The following NOC2L variants were observed in gnomAD, a reference collection of about 807,000 sequenced individuals.
NOC2L encodes the protein NOC2 like nucleolar associated transcriptional repressor.
Under a neutral mutation model 94.2 loss-of-function variants are expected in NOC2L, and 101 were observed. The observed-to-expected ratio is 1.07, with a 90% CI of 0.91 to 1.26. The LOEUF (loss-of-function observed/expected upper bound fraction) is 1.26. NOC2L is among the 50% of genes most tolerant of loss of function. The probability of loss-of-function intolerance (pLI) is 0.00; values close to 1 mark genes in which losing one functional copy is unlikely to be tolerated. For synonymous variants in NOC2L, 531 were observed against 413.4 expected, an observed-to-expected ratio of 1.28 and a Z score of -3.45; for missense variants, 1,076 against 980.1, an observed-to-expected ratio of 1.10 and a Z score of -1.31.
chr1:945,135 G>A lies in NOC2L; in HGVS notation c.2065C>T (p.Pro689Ser), dbSNP rs543983521. 40 of 1,608,148 alleles carry A rather than the reference G, an allele frequency of 2.5e-5. No individual in the cohort carries two copies. Among genetic ancestry groups the A allele is most frequent in the Admixed American group, 3.4e-5 (2 of 58,846 alleles). Residue 689 changes from proline to serine, a missense_variant, in exon 18 of 19, where the codon CCC becomes TCC. By Grantham distance (74) the Pro-to-Ser change is moderately conservative. Around this residue, in one of 3 missense-constraint regions of NOC2L, gnomAD observed 615 missense variants for 577.4 expected, o/e 1.07. Coordinates refer to ENST00000327044, the MANE Select transcript of NOC2L (RefSeq NM_015658.4). ...TCCACCCCATGCCGAGTGCTCAGGGGCCTCAGTATCCCTGAGGAACAAGAA... is the reference window on the plus strand; with the variant it reads ...TCCACCCCATGCCGAGTGCTCAGGGACCTCAGTATCCCTGAGGAACAAGAA... Reference protein sequence around the residue: ...EGFSERGILRPLSTRHGVEDD... With the variant: ...EGFSERGILRSLSTRHGVEDD...
intron 9 of NOC2L, among the ~76,000 whole-genome samples, chr1:952,863 CAGT>C (rs1211373539): frequency 6.6e-6 from 1 of 152,180 alleles, no homozygotes; most frequent in Non-Finnish European, 1.5e-5. Flanking sequence ...TGGGGACGGG[CAGT>C]AGGACTGTAC....
chr1:957,221 C>T lies in NOC2L; in HGVS notation c.232G>A (p.Asp78Asn). Residue 78 changes from aspartate to asparagine, a missense_variant, in exon 3 of 19, where the codon GAC becomes AAC. By Grantham distance (23) the Asp-to-Asn change is conservative. This residue lies in a region of NOC2L where 457 missense variants were observed against 386.0 expected (regional missense o/e 1.18). Coordinates refer to ENST00000327044, the MANE Select transcript of NOC2L (RefSeq NM_015658.4). ...AACTTGTAGAACTCGGGGTCTCTGT[C>T]CTTCAGCCGAGAGAGCTGGTCTTTG... ...EHKDQLSRLK[D>N]RDPEFYKFLQ... 8 of 1,613,664 alleles carry T rather than the reference C, an allele frequency of 5.0e-6. No individual in the cohort carries two copies. Among genetic ancestry groups the T allele is most frequent in the Non-Finnish European group, 6.8e-6 (8 of 1,179,954 alleles).
intron 2 of NOC2L, 157 bp from the exon 3 acceptor site, chr1:957,430 A>G (rs2100398217): frequency 3.1e-6 from 2 of 650,572 alleles, no homozygotes; most frequent in Non-Finnish European, 5.3e-6. Flanking sequence ...CTCCTACCCA[A>G]CAACCTCTAC....
intron 4 of NOC2L, among the ~76,000 whole-genome samples, chr1:956,646 A>G (rs1006105821): frequency 6.6e-6 from 1 of 152,154 alleles, no homozygotes; most frequent in African/African-American, 2.4e-5. Flanking sequence ...AAGTGAACAC[A>G]CAGTCCTGGG....
rs758208263 is a variant in NOC2L at position 954,054 on chromosome 1, A to C, written c.727T>G (p.Trp243Gly). The C allele has an allele frequency of 6.2e-7, 1 of 1,610,402 alleles. No homozygotes were observed. Among genetic ancestry groups the C allele is most frequent in the East Asian group, 2.2e-5 (1 of 44,784 alleles). Reference sequence around the variant, plus strand: ...TTGATGTCCACACGAAGCTTCCCCCAGAGCGGGCTGCTGGACGGCTGCAGC... The same window carrying C: ...TTGATGTCCACACGAAGCTTCCCCCCGAGCGGGCTGCTGGACGGCTGCAGC... ...RMLQPSSSPL[W>G]GKLRVDIKAY... The change falls in exon 7 of 19, where the codon TGG becomes GGG. Residue 243 changes from tryptophan to glycine, a missense_variant. Around this residue, in one of 3 missense-constraint regions of NOC2L, gnomAD observed 457 missense variants for 386.0 expected, o/e 1.18. Transcript: ENST00000327044.
At position 956,955 on chromosome 1, in the gene NOC2L, C is replaced by T. The variant is rs779619644; in HGVS notation, c.425G>A (p.Gly142Glu). ...GGTCACAGGAACAGAATTCTTCTTC[C>T]CCTTCAGCCCTCTGGGGACTCTGTC... is the stretch of plus-strand genomic sequence containing the variant. ...DGDRVPRGLK[G>E]KKNSVPVTVA... The change falls in exon 4 of 19, where the codon GGG becomes GAG. Residue 142 changes from glycine (G) to glutamate (E), a missense_variant. Physicochemically the swap from Gly to Glu is moderately conservative, Grantham distance 98. This residue lies in a region of NOC2L where 457 missense variants were observed against 386.0 expected (regional missense o/e 1.18). Transcript: ENST00000327044. The T allele has an allele frequency of 1.2e-6, 2 of 1,614,116 alleles. No homozygotes were observed. The highest frequency in any genetic ancestry group is 1.7e-6 in the Non-Finnish European group (2 of 1,180,044).
Position 945,129 on chromosome 1 carries a change from TCAGGGG to T in NOC2L, c.2065_2070del (p.Pro689_Leu690del). ...TCGTCTTCCACCCCATGCCGAGTGC[TCAGGGG>T]CCTCAGTATCCCTGAGGAACAAGAA... On this transcript the variant is annotated inframe_deletion, in exon 18 of 19. Coordinates refer to ENST00000327044, the MANE Select transcript of NOC2L (RefSeq NM_015658.4). 2 of 1,609,666 alleles carry T rather than the reference TCAGGGG, an allele frequency of 1.2e-6. No individual in the cohort carries two copies. The highest frequency in any genetic ancestry group is 4.5e-5 in the East Asian group (2 of 44,734).
At position 945,627 on chromosome 1, in the gene NOC2L, G is replaced by A; in HGVS notation, c.1944C>T (p.Ile648=). 1.2e-6 allele frequency: 2 copies of A among 1,614,186 alleles called. No individual in the cohort carries two copies. The highest frequency in any genetic ancestry group is 1.1e-5 in the South Asian group (1 of 91,078). Residue 648 remains isoleucine, a synonymous_variant, in exon 17 of 19, where the codon ATC becomes ATT. Coordinates refer to ENST00000327044, the MANE Select transcript of NOC2L (RefSeq NM_015658.4). ...TCCTGTCAGCCATCTTCCTTCGTTT[G>A]ATCTCAGGGAAGTTCAGGTCTTCCA... ...ERLEDLNFPE[I]KRRKMADRKD... is the part of the protein sequence containing the mutation.
Position 959,236 on chromosome 1 carries a change from G to T in NOC2L, c.5C>A (p.Ala2Glu). M[A>E]AAGSRKRRLA... ...TTACCTCTTGCGGCTCCCCGCAGCTGCCATGACACCAACCCGAAGCGTGCA... is the reference window on the plus strand; with the variant it reads ...TTACCTCTTGCGGCTCCCCGCAGCTTCCATGACACCAACCCGAAGCGTGCA... Residue 2 changes from alanine (A) to glutamate (E), a missense_variant, in exon 1 of 19, where the codon GCA (alanine) becomes GAA (glutamate). This residue lies in a region of NOC2L where 457 missense variants were observed against 386.0 expected (regional missense o/e 1.18). Coordinates refer to ENST00000327044, the MANE Select transcript of NOC2L (RefSeq NM_015658.4). 1 of 1,607,032 alleles carries T rather than the reference G, an allele frequency of 6.2e-7. No homozygotes were observed. Among genetic ancestry groups the T allele is most frequent in the Non-Finnish European group, 8.5e-7 (1 of 1,177,444 alleles).
At chr1:945,191 T>C (rs1450879169) in intron 17 of NOC2L, 45 bp from the exon 18 acceptor site, 1 of 1,550,290 alleles carries the variant, frequency 6.5e-7, no homozygotes, top group Admixed American at 1.9e-5. Flanking sequence ...ACCCACAGGG[T>C]CCACCAGCAA....
chr1:950,562 C>T (rs1642230885), intron 12 of NOC2L, among the ~76,000 whole-genome samples: 1 of 152,190 alleles, frequency 6.6e-6, no homozygotes, highest in African/African-American at 2.4e-5. Context: ...TGCATACACA[C>T]AGGTGTACAC....
In NOC2L at chr1:955,943, C is replaced by T. The variant is rs1350169506; in HGVS notation, c.678G>A (p.Lys226=). Reference sequence around the variant, plus strand: ...CTTACCTGCTGCTATCCTTTGCCACCTTTCCAAACAGCAGCTTCTGGAGAC... The same window carrying T: ...CTTACCTGCTGCTATCCTTTGCCACTTTTCCAAACAGCAGCTTCTGGAGAC... ...IGCLQKLLFG[K]VAKDSSRMLQ... Residue 226 remains lysine, a synonymous_variant, in exon 6 of 19, where the codon AAG becomes AAA. Transcript: ENST00000327044. 6.2e-7 allele frequency: 1 copy of T among 1,614,004 alleles called. No individual in the cohort carries two copies. Among genetic ancestry groups the T allele is most frequent in the Non-Finnish European group, 8.5e-7 (1 of 1,180,008 alleles).
At chr1:957,429 AACAACCTCT>A in intron 2 of NOC2L, 156 bp from the exon 3 acceptor site, 1 of 666,678 alleles carries the variant, frequency 1.5e-6, no homozygotes, top group Non-Finnish European at 2.6e-6. Flanking sequence ...TCTCCTACCC[AACAACCTCT>A]ACAACATACC....
rs755202760 is a variant in NOC2L, at chr1:948,551, G to A, written c.1496C>T (p.Pro499Leu). The A allele has an allele frequency of 1.2e-6, 2 of 1,613,694 alleles. No homozygotes were observed. The highest frequency in any genetic ancestry group is 1.7e-6 in the Non-Finnish European group (2 of 1,179,972). ...NRKPGRMSSK[P>L]INFSVILKLS... ...CTTCAGGATCACGGAGAAGTTGATG[G>A]GCTTGGAGCTCATGCGCCCTGGCTT... The change falls in exon 13 of 19, where the codon CCC becomes CTC. Residue 499 changes from proline (P) to leucine (L), a missense_variant. Transcript: ENST00000327044.
chr1:950,409 A>G (rs1642224382), intron 12 of NOC2L, among the ~76,000 whole-genome samples: 1 of 152,194 alleles, frequency 6.6e-6, no homozygotes, highest in Admixed American at 6.5e-5. Flanking sequence ...ACAGGTGCAC[A>G]CACGCACAGG....
Position 948,544 on chromosome 1 carries a change from G to A in NOC2L, c.1503C>T (p.Asn501=), listed in dbSNP as rs1400517891. ...KPGRMSSKPI[N]FSVILKLSNV... is the part of the protein sequence containing the mutation. ...TGGACAGCTTCAGGATCACGGAGAA[G>A]TTGATGGGCTTGGAGCTCATGCGCC... The change falls in exon 13 of 19, where the codon AAC becomes AAT. Residue 501 remains asparagine, a synonymous_variant. Coordinates refer to ENST00000327044, the MANE Select transcript of NOC2L (RefSeq NM_015658.4). The A allele has an allele frequency of 1.2e-6, 2 of 1,613,728 alleles. No individual in the cohort carries two copies. Among genetic ancestry groups the A allele is most frequent in the South Asian group, 1.1e-5 (1 of 91,088 alleles).
At chr1:956,778 G>A (rs1231045150) in intron 4 of NOC2L, 116 bp downstream of exon 4, 1 of 1,484,216 alleles carries the variant, frequency 6.7e-7, no homozygotes, top group Non-Finnish European at 9.2e-7. Context: ...GGTGAGGCAA[G>A]GCCAGATCTC....
intron 12 of NOC2L, among the ~76,000 whole-genome samples, chr1:949,282 AAGC>A (rs1305165430): frequency 6.6e-6 from 1 of 152,180 alleles, no homozygotes. Context: ...CAGAGGACAG[AAGC>A]AGATTATGGG....
At chr1:950,239 A>C (rs1270863959) in intron 12 of NOC2L, among the ~76,000 whole-genome samples, 1 of 151,736 alleles carries the variant, frequency 6.6e-6, no homozygotes, top group African/African-American at 2.4e-5. Context: ...ACACATGCAG[A>C]TGCAAATGCA....
Sources: allele counts gnomAD v4.1 joint callset (sites outside exome capture counted in the v4.1 genomes callset), GRCh38; gene constraint gnomAD v4.1.1; regional missense constraint gnomAD v4.1.1; transcripts MANE v1.5; gene names NCBI Gene and HGNC (gene_info 2026-07-23, HGNC 2026-07-21).